CACNA1C: variants seen among roughly 807,000 people sequenced by gnomAD.
CACNA1C encodes the protein calcium voltage-gated channel subunit alpha1 C, also known as voltage-dependent L-type calcium channel subunit alpha-1C.
Under a neutral mutation model 229.0 loss-of-function variants are expected in CACNA1C, and 30 were observed. The ratio of observed to expected loss-of-function variants is 0.13; its 90% confidence interval spans 0.10 to 0.18. CACNA1C has a LOEUF of 0.18. Among genes scored for constraint, CACNA1C ranks in the 10% least tolerant of loss-of-function variants. CACNA1C has a pLI of 1.00. For synonymous variants in CACNA1C, 1,114 were observed against 1,132.5 expected, an observed-to-expected ratio of 0.98 and a Z score of 0.33; for missense variants, 1,658 against 2,845.0, an observed-to-expected ratio of 0.58 and a Z score of 9.49.
chr12:2,577,445 G>C (rs1005906178), intron 13 of CACNA1C, among the ~76,000 whole-genome samples: 2 of 152,236 alleles, frequency 1.3e-5, no homozygotes, highest in Non-Finnish European at 2.9e-5. Context: ...GTTTTCTGTA[G>C]GACATATTGA....
At chr12:2,109,418 A>C (rs1046582976) in intron 1 of CACNA1C, among the ~76,000 whole-genome samples, 2 of 152,334 alleles carry the variant, frequency 1.3e-5, no homozygotes, top group South Asian at 2.1e-4. Flanking sequence ...AGAGGGAAGA[A>C]CATGAAGGAC....
At chr12:2,320,264 T>C (rs1050524369) in intron 3 of CACNA1C, among the ~76,000 whole-genome samples, 1 of 152,230 alleles carries the variant, frequency 6.6e-6, no homozygotes, top group Non-Finnish European at 1.5e-5. Flanking sequence ...CCTTTGACTT[T>C]ATTCCAGGCT....
chr12:2,447,519 G>A (rs2099310414), intron 3 of CACNA1C, among the ~76,000 whole-genome samples: 1 of 152,178 alleles, frequency 6.6e-6, no homozygotes, highest in Non-Finnish European at 1.5e-5. Context: ...TGTTTCAGTA[G>A]GTCTGGGTAG....
chr12:2,010,178 C>T (rs2044157626), intron 1 of CACNA1C, among the ~76,000 whole-genome samples: 2 of 152,298 alleles, frequency 1.3e-5, no homozygotes, highest in Admixed American at 1.3e-4. Flanking sequence ...ATTCCCAGGG[C>T]AGCACATTCC....
chr12:2,056,196 A>AGTGTGTGTGTGTGT (rs138718348), intron 1 of CACNA1C, among the ~76,000 whole-genome samples: 1 of 146,014 alleles, frequency 6.8e-6, no homozygotes, highest in Non-Finnish European at 1.5e-5. Flanking sequence ...AGTGTGTGTG[A>AGTGTGTGTGTGTGT]GTGTGTGTGT....
intron 29 of CACNA1C, among the ~76,000 whole-genome samples, chr12:2,616,896 C>CTG (rs1490264728): frequency 6.6e-6 from 1 of 152,228 alleles, no homozygotes; most frequent in Non-Finnish European, 1.5e-5. Flanking sequence ...ACGCTGGTCT[C>CTG]TGCTGGGCCC....
At position 2,639,596 on chromosome 12, in the gene CACNA1C, G is replaced by A. The variant is rs1033042098; in HGVS notation, c.3912+5216G>A. 1.3e-5 allele frequency among the ~76,000 whole-genome samples: 2 copies of A among 152,178 alleles called. No individual in the cohort carries two copies. Among genetic ancestry groups the A allele is most frequent in the Non-Finnish European group, 2.9e-5 (2 of 68,032 alleles). ...TCAATTTCCTTGAATGCAAAAGTGA[G>A]GAGTGAGAGGTTTAGGATGGTCTCT... On this transcript the variant is annotated intron_variant, in intron 30 of 46. Transcript: ENST00000399655. The surrounding 1 kb of genome is among the most constrained non-coding windows in gnomAD (Gnocchi z 4.2).
At chr12:2,637,333 C>T (rs574460555) in intron 30 of CACNA1C, among the ~76,000 whole-genome samples, 1 of 152,334 alleles carries the variant, frequency 6.6e-6, no homozygotes, top group African/African-American at 2.4e-5. Context: ...AATGACATTC[C>T]TTCCAAAGTT....
At chr12:2,227,281 G>GT (rs1256703772) in intron 3 of CACNA1C, among the ~76,000 whole-genome samples, 1 of 152,198 alleles carries the variant, frequency 6.6e-6, no homozygotes, top group Admixed American at 6.5e-5. Context: ...CAAGCTTTGA[G>GT]TGCTGATTCG....
intron 29 of CACNA1C, among the ~76,000 whole-genome samples, chr12:2,629,488 A>T (rs2153548133): frequency 6.6e-6 from 1 of 152,328 alleles, no homozygotes; most frequent in Non-Finnish European, 1.5e-5. Context: ...GAGCAGAAGA[A>T]ATGGCAAGTT....
chr12:2,659,115 G>A (rs761378073), intron 34 of CACNA1C, among the ~76,000 whole-genome samples: 6 of 152,014 alleles, frequency 3.9e-5, no homozygotes, highest in East Asian at 3.8e-4. Flanking sequence ...GTACGGTAGC[G>A]TGCAGTCATG....
intron 29 of CACNA1C, among the ~76,000 whole-genome samples, chr12:2,629,234 C>A (rs894652194): frequency 6.6e-6 from 1 of 152,224 alleles, no homozygotes; most frequent in Admixed American, 6.5e-5. Flanking sequence ...AGCGATTGCA[C>A]ACAGAGGGCT....
At chr12:2,306,562 G>A (rs569911078) in intron 3 of CACNA1C, among the ~76,000 whole-genome samples, 12 of 152,198 alleles carry the variant, frequency 7.9e-5, no homozygotes, top group South Asian at 2.1e-4. Flanking sequence ...TGCCTGTCCC[G>A]TCTTGCCCAA....
intron 3 of CACNA1C, among the ~76,000 whole-genome samples, chr12:2,382,277 A>T (rs187417460): frequency 1.3e-5 from 2 of 152,216 alleles, no homozygotes; most frequent in Admixed American, 6.5e-5. Flanking sequence ...TCTCAAAAAT[A>T]TTGTTTGCTT....
At chr12:2,499,390 C>T (rs1391183677) in intron 7 of CACNA1C, among the ~76,000 whole-genome samples, 1 of 152,116 alleles carries the variant, frequency 6.6e-6, no homozygotes, top group Non-Finnish European at 1.5e-5. Flanking sequence ...GTGCCTGTGC[C>T]AAGAACCTTA....
At chr12:2,599,059 G>C (rs2070387105) in intron 21 of CACNA1C, among the ~76,000 whole-genome samples, 1 of 152,216 alleles carries the variant, frequency 6.6e-6, no homozygotes, top group East Asian at 1.9e-4. Context: ...CAGGACAAGA[G>C]ACGCTCTGAG....
At chr12:2,652,122 T>C (rs1417863081) in intron 32 of CACNA1C, among the ~76,000 whole-genome samples, 1 of 152,208 alleles carries the variant, frequency 6.6e-6, no homozygotes, top group Admixed American at 6.5e-5. Flanking sequence ...AACACGGGCC[T>C]GGACAACCTG....
intron 20 of CACNA1C, among the ~76,000 whole-genome samples, chr12:2,596,993 A>G (rs1182376497): frequency 6.6e-6 from 1 of 152,088 alleles, no homozygotes; most frequent in African/African-American, 2.4e-5. Context: ...CACCTCACTT[A>G]TCTGGGGGCT....
intron 18 of CACNA1C, among the ~76,000 whole-genome samples, chr12:2,590,892 G>A (rs2153296221): frequency 6.6e-6 from 1 of 152,324 alleles, no homozygotes; most frequent in South Asian, 2.1e-4. Flanking sequence ...AGGAATTTAA[G>A]ATCCTTCTCA....
Sources: allele counts gnomAD v4.1 joint callset (sites outside exome capture counted in the v4.1 genomes callset), GRCh38; gene constraint gnomAD v4.1.1; non-coding constraint Gnocchi (gnomAD v3.1); transcripts MANE v1.5; gene names NCBI Gene and HGNC (gene_info 2026-07-23, HGNC 2026-07-21).